The following SYNPR variants were observed in gnomAD, a reference collection of about 807,000 sequenced individuals.
SYNPR encodes the protein synaptoporin.
Under a neutral mutation model 32.9 loss-of-function variants are expected in SYNPR, and 23 were observed. The ratio of observed to expected loss-of-function variants is 0.70; its 90% CI spans 0.50 to 0.99. The LOEUF (loss-of-function observed/expected upper bound fraction) is 0.99. Among genes scored for constraint, SYNPR ranks in the 50% least tolerant of loss-of-function variants. The probability of loss-of-function intolerance (pLI) is 0.00; values close to 1 mark genes in which losing one functional copy is unlikely to be tolerated. For synonymous variants in SYNPR, 146 were observed against 135.9 expected, an observed-to-expected ratio of 1.07 and a Z score of -0.52; for missense variants, 318 against 349.3, an observed-to-expected ratio of 0.91 and a Z score of 0.71.
chr3:63,380,122 AT>A (rs199864177), intron 2 of SYNPR, among the ~76,000 whole-genome samples: 2,329 of 152,158 alleles, frequency 0.015, 59 homozygotes, highest in African/African-American at 0.053. Context: ...AGTCTTTGCT[AT>A]TGTGAATAGT....
intron 3 of SYNPR, among the ~76,000 whole-genome samples, chr3:63,267,751 A>T (rs548478677): frequency 6.6e-6 from 1 of 152,178 alleles, no homozygotes; most frequent in South Asian, 2.1e-4. Flanking sequence ...GTTGATTATT[A>T]TATAGGACTG....
intron 4 of SYNPR, among the ~76,000 whole-genome samples, chr3:63,583,899 T>C (rs1703136182): frequency 6.6e-6 from 1 of 152,096 alleles, no homozygotes; most frequent in South Asian, 2.1e-4. Flanking sequence ...CTTTGTCTCC[T>C]GGATTAAGGT....
intron 3 of SYNPR, among the ~76,000 whole-genome samples, chr3:63,535,736 A>G (rs1559529167): frequency 1.3e-5 from 2 of 152,030 alleles, no homozygotes; most frequent in Non-Finnish European, 2.9e-5. Context: ...ACATGCAAAA[A>G]AAAAAAAATG....
chr3:63,210,019 T>TA, the SYNPR span, among the ~76,000 whole-genome samples: 3 of 151,868 alleles, frequency 2.0e-5, no homozygotes, highest in Non-Finnish European at 4.4e-5. Flanking sequence ...CCATATTAGC[T>TA]AAAATTTTTT....
chr3:63,456,124 C>T (rs974388201), intron 2 of SYNPR, among the ~76,000 whole-genome samples: 3 of 151,962 alleles, frequency 2.0e-5, no homozygotes, highest in Non-Finnish European at 4.4e-5. Context: ...GAGATTTATT[C>T]ACTATCACAA....
upstream of SYNPR, among the ~76,000 whole-genome samples, chr3:63,273,884 T>C (rs1207810942): frequency 6.6e-6 from 1 of 152,190 alleles, no homozygotes; most frequent in African/African-American, 2.4e-5. Context: ...CATCTTTGGA[T>C]TGAGAGATAA....
chr3:63,400,941 T>G (rs2088282093), intron 2 of SYNPR, among the ~76,000 whole-genome samples: 1 of 151,662 alleles, frequency 6.6e-6, no homozygotes, highest in Non-Finnish European at 1.5e-5. Context: ...TGATGGAAAA[T>G]CCTCTGAGGG....
upstream of SYNPR, chr3:63,278,302 C>G (rs2086594726): frequency 1.7e-6 from 1 of 579,824 alleles, no homozygotes; most frequent in Non-Finnish European, 3.1e-6. Context: ...CAGCTCTTCC[C>G]TGCCCACCCC....
chr3:63,448,345 T>C (rs1268968039), intron 2 of SYNPR, among the ~76,000 whole-genome samples: 9 of 152,222 alleles, frequency 5.9e-5, no homozygotes, highest in Non-Finnish European at 1.3e-4. Flanking sequence ...ACACCTTGTC[T>C]CAATGTAGAC....
chr3:63,440,861 A>G (rs935167331), intron 2 of SYNPR, among the ~76,000 whole-genome samples: 9 of 152,210 alleles, frequency 5.9e-5, no homozygotes, highest in East Asian at 1.9e-4. Context: ...TACAGAAACC[A>G]GCAGGGCCTG....
At chr3:63,537,832 G>C (rs1290689481) in intron 3 of SYNPR, among the ~76,000 whole-genome samples, 6 of 152,104 alleles carry the variant, frequency 3.9e-5, no homozygotes, top group African/African-American at 1.2e-4. Context: ...AGGGTAAGCT[G>C]AGCTTCCTAA....
Position 63,445,413 on chromosome 3 carries a change from T to C in SYNPR, c.85-35419T>C, listed in dbSNP as rs1700257447. 4 of 572,598 alleles carry C rather than the reference T, an allele frequency of 7.0e-6. No homozygotes were observed. The Admixed American group carries it at 8.6e-5, about 12-fold the overall frequency. The allele number at this position is 572,598 out of a possible 1,614,324, so 35.5% of individuals were successfully genotyped here. The stretch of plus-strand genomic sequence containing the variant: ...GCACAGTTTTTACAAGTATCACTTC[T>C]GAAAGGTCCATAATATCATAACCAG... On this transcript the variant is annotated intron_variant, in intron 2 of 5. Coordinates refer to ENST00000478300, the MANE Select transcript of SYNPR (RefSeq NM_001130003.2).
chr3:63,575,577 A>G (rs995026029), intron 4 of SYNPR, among the ~76,000 whole-genome samples: 3 of 152,136 alleles, frequency 2.0e-5, no homozygotes, highest in African/African-American at 4.8e-5. Context: ...GATTGTGGGG[A>G]AAAGCTTTAT....
chr3:63,554,624 G>C (rs1333028560), intron 3 of SYNPR, among the ~76,000 whole-genome samples: 1 of 152,114 alleles, frequency 6.6e-6, no homozygotes, highest in Non-Finnish European at 1.5e-5. Flanking sequence ...TTGTGGTATA[G>C]TTTGAAATTG....
chr3:63,296,843 T>C (rs1237460653), intron 2 of SYNPR, among the ~76,000 whole-genome samples: 1 of 152,120 alleles, frequency 6.6e-6, no homozygotes, highest in Non-Finnish European at 1.5e-5. Context: ...TCTATTTATA[T>C]ATAAAGAGGG....
At chr3:63,595,033 G>A (rs992708139) in intron 4 of SYNPR, among the ~76,000 whole-genome samples, 3 of 152,084 alleles carry the variant, frequency 2.0e-5, no homozygotes, top group African/African-American at 4.8e-5. Flanking sequence ...CTTGGATGTC[G>A]GAAAGAAAAA....
At chr3:63,292,134 T>A (rs1380723308) in intron 2 of SYNPR, among the ~76,000 whole-genome samples, 1 of 152,306 alleles carries the variant, frequency 6.6e-6, no homozygotes, top group Middle Eastern at 3.4e-3. Flanking sequence ...TATAATCTTA[T>A]GGGACCATCA....
At chr3:63,366,374 TA>T (rs2087729835) in intron 2 of SYNPR, among the ~76,000 whole-genome samples, 2 of 152,050 alleles carry the variant, frequency 1.3e-5, no homozygotes, top group South Asian at 4.2e-4. Context: ...AGACTAGAAT[TA>T]AATAATTTCA....
chr3:63,440,385 T>C (rs1400131841), intron 2 of SYNPR, among the ~76,000 whole-genome samples: 3 of 152,196 alleles, frequency 2.0e-5, no homozygotes, highest in Non-Finnish European at 2.9e-5. Flanking sequence ...TTACTTACTG[T>C]AAACTTACTG....
Sources: allele counts gnomAD v4.1 joint callset (sites outside exome capture counted in the v4.1 genomes callset), GRCh38; gene constraint gnomAD v4.1.1; transcripts MANE v1.5; gene names NCBI Gene and HGNC (gene_info 2026-07-23, HGNC 2026-07-21).